The following RAB1A variants were observed in gnomAD, a reference collection of about 807,000 sequenced individuals.
RAB1A encodes ras-related protein Rab-1A.
In RAB1A, 2 loss-of-function variants were observed where a neutral mutation model predicts 26.0. The ratio of observed to expected loss-of-function variants is 0.08; its 90% CI spans 0.03 to 0.24. The LOEUF is 0.24. Among genes scored for constraint, RAB1A ranks in the 10% least tolerant of loss-of-function variants. The pLI is 1.00. For synonymous variants in RAB1A, 84 were observed against 84.9 expected (o/e 0.99, Z 0.06); for missense variants, 100 against 247.0 (o/e 0.40, Z 3.99).
chr2:65,089,265 T>A (rs374272404), intron 4 of RAB1A, among the ~76,000 whole-genome samples, 195 bp from the exon 5 acceptor site: 190 of 152,024 alleles, frequency 1.2e-3, no homozygotes, highest in African/African-American at 4.3e-3. Context: ...TAGGCCGGAG[T>A]GCAGTGGCAC....
At chr2:65,105,808 G>C (rs1204732957) in intron 1 of RAB1A, among the ~76,000 whole-genome samples, 2 of 151,932 alleles carry the variant, frequency 1.3e-5, no homozygotes, top group Non-Finnish European at 2.9e-5. Context: ...TGTCACCCAG[G>C]CTGGAGTGCA....
intron 1 of RAB1A, among the ~76,000 whole-genome samples, chr2:65,110,692 G>A (rs549902192): frequency 1.3e-5 from 2 of 152,064 alleles, no homozygotes; most frequent in South Asian, 2.1e-4. Context: ...CCACCTACTT[G>A]TAAGGCTGAG....
chr2:65,099,282 T>C (rs1669361717), intron 2 of RAB1A, among the ~76,000 whole-genome samples: 1 of 152,252 alleles, frequency 6.6e-6, no homozygotes. Context: ...TGTGAATATA[T>C]GTTTCCTGTC....
At chr2:65,103,072 T>C (rs939543032) in intron 2 of RAB1A, among the ~76,000 whole-genome samples, 2 of 151,558 alleles carry the variant, frequency 1.3e-5, no homozygotes, top group African/African-American at 4.8e-5. Context: ...CTCCAGCACT[T>C]TGGGAGGCTG....
chr2:65,106,398 AT>A (rs759420821), intron 1 of RAB1A: 231 of 339,146 alleles, frequency 6.8e-4, no homozygotes, highest in South Asian at 1.0e-3. Context: ...CATAAAACTT[AT>A]TTTTTTTGTT....
chr2:65,126,017 G>A (rs1031615910), intron 1 of RAB1A, among the ~76,000 whole-genome samples: 4 of 151,298 alleles, frequency 2.6e-5, no homozygotes, highest in African/African-American at 7.3e-5. Context: ...GATTACAGGC[G>A]CCAGCCAACA....
At chr2:65,118,809 C>A (rs1669882878) in intron 1 of RAB1A, among the ~76,000 whole-genome samples, 1 of 152,140 alleles carries the variant, frequency 6.6e-6, no homozygotes, top group African/African-American at 2.4e-5. Context: ...AAGCCTTCCT[C>A]CAAGGTAAAA....
intron 1 of RAB1A, among the ~76,000 whole-genome samples, chr2:65,129,046 T>G (rs1166612047): frequency 6.6e-6 from 1 of 152,008 alleles, no homozygotes; most frequent in African/African-American, 2.4e-5. Flanking sequence ...ATCCAAAACC[T>G]ACATACAGAT....
At chr2:65,101,741 C>CTTTTTTTT (rs1558579506) in intron 2 of RAB1A, among the ~76,000 whole-genome samples, 1 of 129,956 alleles carries the variant, frequency 7.7e-6, no homozygotes. Context: ...TGTATTACTT[C>CTTTTTTTT]CTTTTTTTTT....
At chr2:65,091,664 T>C (rs550326023) in intron 3 of RAB1A, among the ~76,000 whole-genome samples, 2 of 152,278 alleles carry the variant, frequency 1.3e-5, no homozygotes, top group East Asian at 3.9e-4. Context: ...TAGCTGGGAC[T>C]ACAGGCACAT....
At chr2:65,101,719 T>G (rs1669433003) in intron 2 of RAB1A, among the ~76,000 whole-genome samples, 3 of 151,556 alleles carry the variant, frequency 2.0e-5, no homozygotes. Flanking sequence ...TTTTCCATAT[T>G]TATTGGCAAT....
Position 65,088,568 on chromosome 2 carries a change from T to C in RAB1A, c.543A>G (p.Thr181=). 2.5e-6 allele frequency: 4 copies of C among 1,613,804 alleles called. No homozygotes were observed. The highest frequency in any genetic ancestry group is 2.5e-6 in the Non-Finnish European group (3 of 1,179,834). Residue 181 remains threonine (T), a synonymous_variant, in exon 6 of 6, where the codon ACA becomes ACG. Coordinates refer to ENST00000409784, the MANE Select transcript of RAB1A (RefSeq NM_004161.5). ...CATTGGACTTCTCAGCACCACCAGC[T>C]GTTGCTCCGGGACCCATTCGCTTTT... ...EIKKRMGPGA[T]AGGAEKSNVK...
intron 1 of RAB1A, among the ~76,000 whole-genome samples, chr2:65,129,610 G>T (rs944407056): frequency 6.7e-6 from 1 of 150,194 alleles, no homozygotes; most frequent in Non-Finnish European, 1.5e-5. Context: ...ACCGCCCCAG[G>T]CCCCTCGGCA....
At chr2:65,122,016 CGTG>C (rs1558588094) in intron 1 of RAB1A, among the ~76,000 whole-genome samples, 1 of 151,778 alleles carries the variant, frequency 6.6e-6, no homozygotes, top group Non-Finnish European at 1.5e-5. Context: ...ATTAGCTGGC[CGTG>C]GTGGTGGACG....
rs1248758944 is a variant in RAB1A, at chr2:65,088,576, C to T, written c.535G>A (p.Gly179Arg). The T allele has an allele frequency of 5.0e-6, 8 of 1,613,600 alleles. No individual in the cohort carries two copies. The highest frequency in any genetic ancestry group is 6.8e-6 in the Non-Finnish European group (8 of 1,179,816). ...TTCTCAGCACCACCAGCTGTTGCTC[C>T]GGGACCCATTCGCTTTTTAATCTCA... is the stretch of plus-strand genomic sequence containing the variant. Reference protein sequence around the residue: ...AAEIKKRMGPGATAGGAEKSN... With the variant: ...AAEIKKRMGPRATAGGAEKSN... Residue 179 changes from glycine (G) to arginine (R), a missense_variant, in exon 6 of 6, where the codon GGA becomes AGA. Physicochemically the swap from Gly to Arg is moderately radical, Grantham distance 125. This residue lies in a region of RAB1A where 67 missense variants were observed against 122.9 expected (regional missense o/e 0.55). Coordinates refer to ENST00000409784, the MANE Select transcript of RAB1A (RefSeq NM_004161.5).
chr2:65,092,821 A>G (rs1055362214), intron 3 of RAB1A, among the ~76,000 whole-genome samples: 17 of 152,172 alleles, frequency 1.1e-4, no homozygotes, highest in African/African-American at 4.1e-4. Flanking sequence ...CACTGAGGGA[A>G]GTGATTGGAT....
intron 4 of RAB1A, 84 bp downstream of exon 4, chr2:65,090,899 T>C (rs1669158094): frequency 1.2e-6 from 1 of 840,920 alleles, no homozygotes; most frequent in Non-Finnish European, 1.8e-6. Flanking sequence ...ATGGCTTATA[T>C]ATGAAGTAGT....
rs757675149 is a variant in RAB1A at position 65,089,035 on chromosome 2, T to C, written c.324A>G (p.Glu108=). 18 of 1,610,548 alleles carry C rather than the reference T, an allele frequency of 1.1e-5. No homozygotes were observed. The highest frequency in any genetic ancestry group is 1.7e-6 in the Non-Finnish European group (2 of 1,177,898). ...CATTTTCACTGGCATAACGATCTAT[T>C]TCCTGCAGCCACTGTTTAACATTAT... ...SFNNVKQWLQ[E]IDRYASENVN... The change falls in exon 5 of 6, where the codon GAA becomes GAG. Residue 108 remains glutamate (E), a synonymous_variant. Transcript: ENST00000409784.
chr2:65,130,005 A>G lies in RAB1A; in HGVS notation c.-90T>C. 7.1e-7 allele frequency: 1 copy of G among 1,410,072 alleles called. No individual in the cohort carries two copies. The highest frequency in any genetic ancestry group is 2.5e-5 in the East Asian group (1 of 40,288). 87.3% of individuals were successfully genotyped at this position (1,410,072 alleles called of 1,614,324 possible). ...GCGCCACGGGTAATCGAAAGAAAGG[A>G]ATGAGATAGGCTGTTCCGGGAGAGC... is the stretch of plus-strand genomic sequence containing the variant. On this transcript the variant is annotated 5_prime_UTR_variant, in exon 1 of 6. Coordinates refer to ENST00000409784, the MANE Select transcript of RAB1A (RefSeq NM_004161.5).
Sources: gnomAD v4.1 joint callset for allele counts (sites outside exome capture counted in the v4.1 genomes callset) on GRCh38, gnomAD v4.1.1 for gene constraint, gnomAD v4.1.1 regional missense constraint, MANE v1.5 for transcripts, NCBI Gene and HGNC (gene_info 2026-07-23, HGNC 2026-07-21) for gene names.